The following ESRRG variants were observed in gnomAD, a reference collection of about 807,000 sequenced individuals.
ESRRG encodes estrogen-related receptor gamma.
Under a neutral mutation model 44.0 loss-of-function variants are expected in ESRRG, and 13 were observed. That is an observed-to-expected ratio of 0.30 (90% confidence interval 0.19 to 0.47). ESRRG has a LOEUF of 0.47. ESRRG is among the 20% of genes least tolerant of loss of function. The probability of loss-of-function intolerance (pLI) is 1.00; values close to 1 mark genes in which losing one functional copy is unlikely to be tolerated. For synonymous variants in ESRRG, 215 were observed against 214.6 expected (o/e 1.00, Z -0.02); for missense variants, 395 against 580.6 (o/e 0.68, Z 3.29).
At chr1:216,526,157 C>T (rs2047585660) in intron 5 of ESRRG, among the ~76,000 whole-genome samples, 1 of 152,048 alleles carries the variant, frequency 6.6e-6, no homozygotes, top group Non-Finnish European at 1.5e-5. Flanking sequence ...ACTTTGAGGT[C>T]TAGAGATCTG....
At chr1:216,878,697 TTTCA>T (rs1361009274) in intron 2 of ESRRG, among the ~76,000 whole-genome samples, 1 of 152,196 alleles carries the variant, frequency 6.6e-6, no homozygotes, top group African/African-American at 2.4e-5. Flanking sequence ...TTAGTAAACG[TTTCA>T]CAATTTATGT....
intron 1 of ESRRG, among the ~76,000 whole-genome samples, chr1:217,050,202 G>A (rs1188381326): frequency 6.6e-6 from 1 of 152,058 alleles, no homozygotes; most frequent in South Asian, 2.1e-4. Flanking sequence ...GAGCTGGGGG[G>A]GTGAAAAAGA....
intron 2 of ESRRG, among the ~76,000 whole-genome samples, chr1:216,897,361 C>A (rs1193257321): frequency 6.6e-6 from 1 of 152,160 alleles, no homozygotes; most frequent in Non-Finnish European, 1.5e-5. Flanking sequence ...GTTTAAGATT[C>A]AGAGTCCTGA....
intron 2 of ESRRG, among the ~76,000 whole-genome samples, chr1:216,871,826 T>A (rs1157302871): frequency 6.6e-6 from 1 of 152,092 alleles, no homozygotes; most frequent in Non-Finnish European, 1.5e-5. Context: ...TTGCTTTAAA[T>A]TATCAAACGA....
At chr1:216,937,233 G>A (rs530234123) in intron 2 of ESRRG, among the ~76,000 whole-genome samples, 5 of 144,814 alleles carry the variant, frequency 3.5e-5, no homozygotes, top group African/African-American at 1.3e-4. Flanking sequence ...AATAAAAATA[G>A]TCAGGAAGAG....
rs145544308 is a variant in ESRRG, at chr1:216,831,029, T to A, written c.-14+108553A>T. Among the ~76,000 whole-genome samples, 714 of 149,708 alleles carry A rather than the reference T, an allele frequency of 4.8e-3. 10 individuals are homozygous for A. Among genetic ancestry groups the A allele is most frequent in the African/African-American group, 0.016 (664 of 40,666 alleles). ...GAAGGAAAGGGGCAAGGTGGGGAGG[T>A]TGGGGGAGGAAACGCATCACACAAT... On this transcript the variant is annotated intron_variant, in intron 2 of 7. Transcript: ENST00000359162.
intron 1 of ESRRG, among the ~76,000 whole-genome samples, chr1:217,085,480 C>CTTTTTTTTT (rs2092021463): frequency 3.0e-5 from 2 of 66,346 alleles, no homozygotes; most frequent in African/African-American, 6.0e-5. Flanking sequence ...CTTTTCTTTT[C>CTTTTTTTTT]ATTTTTTTTT....
rs1260077523 is a variant in ESRRG, at chr1:216,564,385, A to G, written c.701-5T>C. ...AATGTGAGACAATCTTGTTATCTGC[A>G]GGATCAGACCAGAGCACTACAAGAT... On this transcript the variant is annotated splice_polypyrimidine_tract_variant and splice_region_variant and intron_variant, in intron 4 of 6. Coordinates refer to ENST00000408911, the MANE Select transcript of ESRRG (RefSeq NM_001438.4). 1 of 1,607,686 alleles carries G rather than the reference A, an allele frequency of 6.2e-7. No homozygotes were observed. The highest frequency in any genetic ancestry group is 2.2e-5 in the East Asian group (1 of 44,686).
intron 6 of ESRRG, among the ~76,000 whole-genome samples, chr1:216,515,185 G>A (rs9803687): frequency 0.074 from 11,285 of 152,006 alleles, 1,387 homozygotes; most frequent in African/African-American, 0.26. Flanking sequence ...TTTGGAATTA[G>A]AGAGTAGAAA....
At chr1:216,811,821 G>GT (rs1395274823) in intron 2 of ESRRG, among the ~76,000 whole-genome samples, 2 of 152,148 alleles carry the variant, frequency 1.3e-5, no homozygotes, top group African/African-American at 4.8e-5. Flanking sequence ...TGAAAAAAGG[G>GT]TTTCCATTTT....
intron 1 of ESRRG, among the ~76,000 whole-genome samples, chr1:217,048,981 C>T (rs1001651528): frequency 7.2e-5 from 11 of 152,166 alleles, no homozygotes; most frequent in African/African-American, 2.7e-4. Context: ...CTGTGGCTAA[C>T]AAGCCCTTCA....
chr1:216,732,599 A>G (rs2089057740), intron 2 of ESRRG, among the ~76,000 whole-genome samples: 3 of 151,932 alleles, frequency 2.0e-5, no homozygotes, highest in African/African-American at 7.2e-5. Context: ...CTGGTCTCGA[A>G]TGCCTGACCT....
intron 1 of ESRRG, among the ~76,000 whole-genome samples, chr1:216,712,136 C>T (rs867172251): frequency 6.6e-6 from 1 of 152,136 alleles, no homozygotes; most frequent in African/African-American, 2.4e-5. Flanking sequence ...AAGACTGGAA[C>T]CTATTAAAGT....
intron 2 of ESRRG, among the ~76,000 whole-genome samples, chr1:216,850,630 T>C (rs1214021696): frequency 6.6e-6 from 1 of 152,106 alleles, no homozygotes; most frequent in Non-Finnish European, 1.5e-5. Context: ...GGTGCAATTC[T>C]TGATGACATT....
Position 217,082,264 on chromosome 1 carries a change from C to G in ESRRG, c.-106+7243G>C, listed in dbSNP as rs750224333. On this transcript the variant is annotated intron_variant, in intron 1 of 7. Transcript: ENST00000359162. ...CAAATTCACCTCAGAATGGCCAGAT[C>G]TGTTCAGCACAGAGAACTGGTGGAC... is the stretch of plus-strand genomic sequence containing the variant. Among the ~76,000 whole-genome samples the G allele has an allele frequency of 1.1e-4, 16 of 152,334 alleles. 1 individual carries two copies. The South Asian group carries it at 2.3e-3, about 22-fold the overall frequency.
intron 2 of ESRRG, among the ~76,000 whole-genome samples, chr1:216,795,024 T>C (rs2094435268): frequency 6.6e-6 from 1 of 152,130 alleles, no homozygotes; most frequent in Non-Finnish European, 1.5e-5. Context: ...TTCACTAAAA[T>C]ATTAAAAGAG....
At chr1:217,032,214 T>C (rs1364111632) in intron 1 of ESRRG, among the ~76,000 whole-genome samples, 1 of 152,246 alleles carries the variant, frequency 6.6e-6, no homozygotes, top group Non-Finnish European at 1.5e-5. Context: ...CCTTTTCTAC[T>C]TTCCTTGCCT....
rs377704100 is a variant in ESRRG, at chr1:217,119,051, A to AT, written c.-230+18615_-230+18616insA. Among the ~76,000 whole-genome samples the AT allele has an allele frequency of 7.7e-3, 1,097 of 141,942 alleles. 8 individuals carry two copies. Among genetic ancestry groups the AT allele is most frequent in the African/African-American group, 9.2e-3 (329 of 35,840 alleles). The allele number at this position is 141,942 out of a possible 152,430, so 93.1% of individuals were successfully genotyped here. A position where few individuals can be genotyped will look rare whatever the true frequency, so the allele number is the denominator to read the frequency against. On this transcript the variant is annotated intron_variant, in intron 1 of 8. Transcript: ENST00000366940. ...GATAGATAGATAGATAGATAGATAG[A>AT]GACACAGATACAGATACAGATAGAT...
chr1:217,126,143 G>A (rs1333253749), intron 1 of ESRRG, among the ~76,000 whole-genome samples: 1 of 151,992 alleles, frequency 6.6e-6, no homozygotes, highest in African/African-American at 2.4e-5. Context: ...TGCGGTCATG[G>A]GCAGTAATCT....
Sources: gnomAD v4.1 joint callset for allele counts (sites outside exome capture counted in the v4.1 genomes callset) on GRCh38, gnomAD v4.1.1 for gene constraint, MANE v1.5 for transcripts, NCBI Gene and HGNC (gene_info 2026-07-23, HGNC 2026-07-21) for gene names.